HOMER1: variants seen among roughly 807,000 people sequenced by gnomAD.
HOMER1 encodes the protein homer protein homolog 1.
HOMER1 carries 3 observed loss-of-function variants against 48.9 expected under a neutral mutation model. The ratio of observed to expected loss-of-function variants is 0.06; its 90% CI spans 0.03 to 0.16. HOMER1 has a LOEUF of 0.16. Ranked by LOEUF, HOMER1 falls within the 10% of genes least tolerant of loss-of-function variation. The pLI is 1.00. For synonymous variants in HOMER1, 134 were observed against 146.4 expected (o/e 0.92, Z 0.61); for missense variants, 247 against 411.4 (o/e 0.60, Z 3.46).
At chr5:79,495,744 T>C (rs1032681041) in intron 1 of HOMER1, among the ~76,000 whole-genome samples, 7 of 152,338 alleles carry the variant, frequency 4.6e-5, no homozygotes, top group South Asian at 2.1e-4. Flanking sequence ...ACATCATGCA[T>C]TGATTTTTCA....
In HOMER1 at chr5:79,475,576, C is replaced by T. The variant is rs144546515; in HGVS notation, c.6-18558G>A. Reference sequence around the variant, plus strand: ...CTCAGAATACCACATGTGATAAAATCTAGCCAATGTCTAAAGCAAATATGA... The same window carrying T: ...CTCAGAATACCACATGTGATAAAATTTAGCCAATGTCTAAAGCAAATATGA... On this transcript the variant is annotated intron_variant, in intron 1 of 8. Transcript: ENST00000334082. Among the ~76,000 whole-genome samples, 207 of 152,176 alleles carry T rather than the reference C, an allele frequency of 1.4e-3. 1 individual carries two copies. The highest frequency in any genetic ancestry group is 4.2e-3 in the East Asian group (22 of 5,178).
chr5:79,483,426 T>C lies in HOMER1; in HGVS notation c.6-26408A>G, dbSNP rs137878794. On this transcript the variant is annotated intron_variant, in intron 1 of 8. Transcript: ENST00000334082. ...CATAGAGGTGATGGTTACATAACAC[T>C]GTGAATGTACTAAATGCACTGAATT... 6.4e-4 allele frequency among the ~76,000 whole-genome samples: 97 copies of C among 152,230 alleles called. 4 individuals are homozygous for C. Among genetic ancestry groups the C allele is most frequent in the African/African-American group, 2.2e-3 (93 of 41,536 alleles).
chr5:79,418,092 T>C (rs1749993361), intron 5 of HOMER1, among the ~76,000 whole-genome samples: 1 of 152,222 alleles, frequency 6.6e-6, no homozygotes, highest in Non-Finnish European at 1.5e-5. Flanking sequence ...TCGAATTATT[T>C]AAATGTTTGT....
chr5:79,508,143 TC>T (rs755095056), intron 1 of HOMER1, among the ~76,000 whole-genome samples: 1 of 152,206 alleles, frequency 6.6e-6, no homozygotes, highest in Non-Finnish European at 1.5e-5. Context: ...TTATTCTACT[TC>T]CCTGATCATG....
rs945574709 is a variant in HOMER1, at chr5:79,373,868, T to C, written c.*2141A>G. 4 of 151,998 alleles carry C rather than the reference T, an allele frequency of 2.6e-5. No individual in the cohort carries two copies. The East Asian group carries it at 5.8e-4, about 22-fold the overall frequency. 9.4% of individuals were successfully genotyped at this position (151,998 alleles called of 1,614,324 possible). ...ATAATTTTCTGTATATACATATGGG[T>C]ATATGTATATATTGAATCACACATA... On this transcript the variant is annotated 3_prime_UTR_variant, in exon 9 of 9. Coordinates refer to ENST00000334082, the MANE Select transcript of HOMER1 (RefSeq NM_004272.5).
chr5:79,513,079 C>T lies in HOMER1; in HGVS notation c.-305G>A. 2.3e-6 allele frequency: 1 copy of T among 428,158 alleles called. No individual in the cohort carries two copies. The highest frequency in any genetic ancestry group is 4.4e-5 in the Admixed American group (1 of 22,642). The allele number at this position is 428,158 out of a possible 1,614,324, so 26.5% of individuals were successfully genotyped here. A position where few individuals can be genotyped will look rare whatever the true frequency, so the allele number is the denominator to read the frequency against. On this transcript the variant is annotated 5_prime_UTR_variant, in exon 1 of 9. Coordinates refer to ENST00000334082, the MANE Select transcript of HOMER1 (RefSeq NM_004272.5). ...GTCTACAAGTAGGGAAATGCAGAAT[C>T]CGGCTTCACCGAGTCCTATAAAAAA...
At chr5:79,427,059 G>A (rs577653368) in intron 5 of HOMER1, among the ~76,000 whole-genome samples, 1 of 152,234 alleles carries the variant, frequency 6.6e-6, no homozygotes, top group East Asian at 1.9e-4. Flanking sequence ...CTGCTTGAAG[G>A]TTAATATACA....
At chr5:79,505,002 G>A (rs1276241293) in intron 1 of HOMER1, among the ~76,000 whole-genome samples, 1 of 152,140 alleles carries the variant, frequency 6.6e-6, no homozygotes, top group Non-Finnish European at 1.5e-5. Context: ...ACTAGGCTGG[G>A]CACAGTAGCT....
chr5:79,379,637 G>A (rs1388341711), intron 8 of HOMER1, among the ~76,000 whole-genome samples: 1 of 150,284 alleles, frequency 6.7e-6, no homozygotes, highest in East Asian at 1.9e-4. Flanking sequence ...TACAGAAGGG[G>A]TCTCACTATG....
At position 79,513,599 on chromosome 5, in the gene HOMER1, G is replaced by C. The variant is rs1157440591; in HGVS notation, c.-825C>G. ...CAGCCCCTTCCCGCCCCCCGCCGCC[G>C]AGCACAATGGAGCCCGGCTGGTGCC... On this transcript the variant is annotated 5_prime_UTR_variant, in exon 1 of 9. Transcript: ENST00000334082. 1.3e-5 allele frequency: 2 copies of C among 149,786 alleles called. No homozygotes were observed. Among genetic ancestry groups the C allele is most frequent in the African/African-American group, 4.9e-5 (2 of 40,922 alleles). 9.3% of individuals were successfully genotyped at this position (149,786 alleles called of 1,614,324 possible). A position where few individuals can be genotyped will look rare whatever the true frequency, so the allele number is the denominator to read the frequency against.
chr5:79,512,779 C>T lies in HOMER1; in HGVS notation c.-5G>A. 1 of 1,613,466 alleles carries T rather than the reference C, an allele frequency of 6.2e-7. No homozygotes were observed. The highest frequency in any genetic ancestry group is 8.5e-7 in the Non-Finnish European group (1 of 1,179,562). Reference sequence around the variant, plus strand: ...GCACAAAAATCCTTACCCCATTTTGCCCAATGAAAACTTGCTCTGAAGTTT... The same window carrying T: ...GCACAAAAATCCTTACCCCATTTTGTCCAATGAAAACTTGCTCTGAAGTTT... On this transcript the variant is annotated 5_prime_UTR_variant, in exon 1 of 9. Coordinates refer to ENST00000334082, the MANE Select transcript of HOMER1 (RefSeq NM_004272.5).
At chr5:79,474,564 GT>G (rs1258344378) in intron 1 of HOMER1, among the ~76,000 whole-genome samples, 2 of 152,078 alleles carry the variant, frequency 1.3e-5, no homozygotes, top group African/African-American at 4.8e-5. Flanking sequence ...AAAATCATCT[GT>G]TTGCTATTAC....
chr5:79,456,896 T>G lies in HOMER1; in HGVS notation c.128A>C (p.Asn43Thr). Residue 43 changes from asparagine (N) to threonine (T), a missense_variant, in exon 2 of 9, where the codon AAT becomes ACT. Coordinates refer to ENST00000334082, the MANE Select transcript of HOMER1 (RefSeq NM_004272.5). The stretch of plus-strand genomic sequence containing the variant: ...ATCTAAACTGATTATCCTATACACA[T>G]TTCTTGTGCTGTCATAGAAATAAGA... ...TVSYFYDSTRNVYRIISLDGS... is the reference protein window; with the variant it reads ...TVSYFYDSTRTVYRIISLDGS... 1 of 1,614,076 alleles carries G rather than the reference T, an allele frequency of 6.2e-7. No individual in the cohort carries two copies. The highest frequency in any genetic ancestry group is 8.5e-7 in the Non-Finnish European group (1 of 1,179,928).
chr5:79,483,782 T>C (rs6453453), intron 1 of HOMER1, among the ~76,000 whole-genome samples: 92,786 of 148,658 alleles, frequency 0.62, 31,959 homozygotes, highest in East Asian at 0.99. Flanking sequence ...TGGCCGGGTG[T>C]GGTGGCTCAC....
At chr5:79,499,274 GC>G (rs1330836890) in intron 1 of HOMER1, among the ~76,000 whole-genome samples, 2 of 152,146 alleles carry the variant, frequency 1.3e-5, no homozygotes, top group Non-Finnish European at 2.9e-5. Flanking sequence ...AGGCTCATGT[GC>G]CCAATAACTA....
At chr5:79,452,012 A>T (rs1034020664) in intron 2 of HOMER1, among the ~76,000 whole-genome samples, 2 of 152,126 alleles carry the variant, frequency 1.3e-5, no homozygotes, top group African/African-American at 4.8e-5. Flanking sequence ...GTTCCTTGCT[A>T]GACTTGGGAG....
At chr5:79,487,212 G>A (rs573083088) in intron 1 of HOMER1, among the ~76,000 whole-genome samples, 1 of 152,316 alleles carries the variant, frequency 6.6e-6, no homozygotes, top group Admixed American at 6.5e-5. Flanking sequence ...CCGGGAGGCA[G>A]AGGTTGCAGT....
At chr5:79,457,412 CATTTACAAGTGTCCTTTTTATGGTCT>C (rs1345479751) in intron 1 of HOMER1, among the ~76,000 whole-genome samples, 2 of 152,194 alleles carry the variant, frequency 1.3e-5, no homozygotes, top group Non-Finnish European at 2.9e-5. Flanking sequence ...TCTCATACTA[CATTTACAAGTGTCCTTTTTATGGTCT>C]ATTTAGCACC....
intron 1 of HOMER1, among the ~76,000 whole-genome samples, chr5:79,490,779 AAC>A (rs1177934519): frequency 2.7e-5 from 4 of 147,164 alleles, no homozygotes; most frequent in Admixed American, 6.8e-5. Flanking sequence ...CAAAAAAAAA[AAC>A]AAAAAAAAAA....
Sources: allele counts gnomAD v4.1 joint callset (sites outside exome capture counted in the v4.1 genomes callset), GRCh38; gene constraint gnomAD v4.1.1; transcripts MANE v1.5; gene names NCBI Gene and HGNC (gene_info 2026-07-23, HGNC 2026-07-21).